The following HSP90AA1 variants were observed in gnomAD, a reference collection of about 807,000 sequenced individuals.
HSP90AA1 encodes the protein heat shock protein 90 alpha family class A member 1.
In HSP90AA1, 18 loss-of-function variants were observed where a neutral mutation model predicts 73.3. The ratio of observed to expected loss-of-function variants is 0.25; its 90% confidence interval spans 0.17 to 0.36. The LOEUF (loss-of-function observed/expected upper bound fraction) is 0.36. Ranked by LOEUF, HSP90AA1 falls within the 10% of genes least tolerant of loss-of-function variation. The pLI is 1.00. For missense variants in HSP90AA1, 704 were observed against 874.2 expected (o/e 0.81, Z 2.45); for synonymous variants, 477 against 296.9 (o/e 1.61, Z -6.24).
In HSP90AA1 at chr14:102,086,358, G is replaced by T. The variant is rs745644698; in HGVS notation, c.21C>A (p.Thr7=). 5 of 1,614,142 alleles carry T rather than the reference G, an allele frequency of 3.1e-6. No individual in the cohort carries two copies. The highest frequency in any genetic ancestry group is 4.2e-6 in the Non-Finnish European group (5 of 1,180,032). The change falls in exon 2 of 11, where the codon ACC becomes ACA. Residue 7 remains threonine (T), a synonymous_variant. Coordinates refer to ENST00000216281, the MANE Select transcript of HSP90AA1 (RefSeq NM_005348.4). Reference sequence around the variant, plus strand: ...CCTCCTCCTCCATCGGTTGGTCTTGGGTCTGGGTTTCCTCAGGCATCTGGA... The same window carrying T: ...CCTCCTCCTCCATCGGTTGGTCTTGTGTCTGGGTTTCCTCAGGCATCTGGA... MPEETQ[T]QDQPMEEEEV...
upstream of HSP90AA1, among the ~76,000 whole-genome samples, chr14:102,090,447 C>T (rs1416616077): frequency 2.1e-5 from 3 of 142,448 alleles, no homozygotes; most frequent in Admixed American, 7.8e-5. Flanking sequence ...TCCTCAACAA[C>T]ATATTTCTTT....
At position 102,081,790 on chromosome 14, in the gene HSP90AA1, A is replaced by C. The variant is rs1236602807; in HGVS notation, c.2121T>G (p.Asp707Glu). Residue 707 changes from aspartate to glutamate, a missense_variant, in exon 11 of 11, where the codon GAT becomes GAG. Coordinates refer to ENST00000216281, the MANE Select transcript of HSP90AA1 (RefSeq NM_005348.4). ...TTTCTTCAGTTACAGCAGCACTGGTATCATCAGCAGTAGGGTCATCTTCAT... is the reference window on the plus strand; with the variant it reads ...TTTCTTCAGTTACAGCAGCACTGGTCTCATCAGCAGTAGGGTCATCTTCAT... ...GIDEDDPTAD[D>E]TSAAVTEEMP... 2 of 1,578,528 alleles carry C rather than the reference A, an allele frequency of 1.3e-6. No homozygotes were observed. The highest frequency in any genetic ancestry group is 1.7e-4 in the Middle Eastern group (1 of 5,990).
chr14:102,097,331 A>AG (rs2049438569), intron 2 of HSP90AA1, among the ~76,000 whole-genome samples: 1 of 151,520 alleles, frequency 6.6e-6, no homozygotes, highest in Admixed American at 6.6e-5. Flanking sequence ...TTAAAAAAAA[A>AG]AAAAAGGAAA....
At chr14:102,095,781 C>G (rs1158909113) in intron 2 of HSP90AA1, among the ~76,000 whole-genome samples, 1 of 152,216 alleles carries the variant, frequency 6.6e-6, no homozygotes. Flanking sequence ...AACGTTCTTT[C>G]TCTCTGTGCT....
At chr14:102,087,091 GCGCGCGGCGCTTTTTC>G, upstream of HSP90AA1, 1 of 984,172 alleles carries the variant, frequency 1.0e-6, no homozygotes, top group Admixed American at 6.2e-5. Flanking sequence ...GGCCCGCCCA[GCGCGCGGCGCTTTTTC>G]CAGAAGCCTC....
chr14:102,092,788 TCA>T (rs1431343473), intron 2 of HSP90AA1, among the ~76,000 whole-genome samples: 3 of 152,146 alleles, frequency 2.0e-5, no homozygotes, highest in Non-Finnish European at 4.4e-5. Context: ...ACAGGGTCTG[TCA>T]CTCAGGCTGG....
chr14:102,116,648 T>C (rs1348050890), intron 1 of HSP90AA1, among the ~76,000 whole-genome samples: 4 of 152,148 alleles, frequency 2.6e-5, no homozygotes, highest in African/African-American at 9.7e-5. Flanking sequence ...GGAGAGGGCA[T>C]GGGGAGGAGG....
intron 1 of HSP90AA1, among the ~76,000 whole-genome samples, chr14:102,116,912 G>A (rs569994091): frequency 5.3e-5 from 8 of 152,116 alleles, no homozygotes; most frequent in Non-Finnish European, 1.2e-4. Context: ...CCAGGTGTAG[G>A]ATCTGGGCAT....
intron 1 of HSP90AA1, among the ~76,000 whole-genome samples, chr14:102,128,736 G>A (rs1051136741): frequency 2.0e-5 from 3 of 152,048 alleles, no homozygotes; most frequent in African/African-American, 7.2e-5. Context: ...AGGAGGCGGA[G>A]GTTACAGGGA....
At chr14:102,112,235 C>T (rs1300579236) in intron 1 of HSP90AA1, among the ~76,000 whole-genome samples, 6 of 152,188 alleles carry the variant, frequency 3.9e-5, no homozygotes, top group Admixed American at 6.5e-5. Context: ...TGCACTGGCA[C>T]GATCTTGGCT....
rs200421140 is a variant in HSP90AA1 at position 102,086,406 on chromosome 14, C to G, written c.1-28G>C. The stretch of plus-strand genomic sequence containing the variant: ...GGAACGACACCGCGCCGGTTTAAAA[C>G]CTTGCAGGACGTCTACAGAGGCAAC... On this transcript the variant is annotated intron_variant, in intron 1 of 10. Transcript: ENST00000216281. 1.9e-6 allele frequency: 3 copies of G among 1,613,858 alleles called. No homozygotes were observed. The African/African-American group carries it at 4.0e-5, about 22-fold the overall frequency.
chr14:102,084,081 C>G (rs747687511), intron 6 of HSP90AA1, 98 bp from the exon 7 acceptor site: 1 of 971,956 alleles, frequency 1.0e-6, no homozygotes, highest in East Asian at 2.5e-5. Flanking sequence ...GATGATGGGA[C>G]GTATTTTTGA....
At chr14:102,103,062 T>TTA (rs2049515426) in intron 1 of HSP90AA1, among the ~76,000 whole-genome samples, 1 of 150,686 alleles carries the variant, frequency 6.6e-6, no homozygotes, top group Non-Finnish European at 1.5e-5. Flanking sequence ...ATGCCTGTAA[T>TTA]CCCACCTACT....
intron 1 of HSP90AA1, 91 bp downstream of exon 1, chr14:102,086,895 T>C (rs1259204619): frequency 6.1e-5 from 46 of 753,508 alleles, no homozygotes; most frequent in Non-Finnish European, 7.1e-5. Flanking sequence ...TTCAGGGATC[T>C]GGTCCGGCCC....
chr14:102,131,618 C>G (rs759434367), intron 1 of HSP90AA1, among the ~76,000 whole-genome samples: 14 of 152,188 alleles, frequency 9.2e-5, no homozygotes, highest in Non-Finnish European at 1.6e-4. Flanking sequence ...GCTTGGTCCA[C>G]TCTTTTCCCA....
intron 1 of HSP90AA1, among the ~76,000 whole-genome samples, chr14:102,107,288 C>T (rs539123790): frequency 1.4e-3 from 212 of 151,872 alleles, no homozygotes; most frequent in Non-Finnish European, 1.5e-3. Context: ...TTTCCTACAT[C>T]TCATGCTTGC....
intron 1 of HSP90AA1, among the ~76,000 whole-genome samples, chr14:102,121,928 T>C (rs1019197763): frequency 4.6e-5 from 7 of 152,222 alleles, no homozygotes; most frequent in African/African-American, 1.7e-4. Context: ...TCCAAGGTTG[T>C]TGTCTTTTCA....
In HSP90AA1 at chr14:102,085,385, T is replaced by C; in HGVS notation, c.576A>G (p.Glu192=). 6.2e-7 allele frequency: 1 copy of C among 1,613,782 alleles called. No homozygotes were observed. The highest frequency in any genetic ancestry group is 8.5e-7 in the Non-Finnish European group (1 of 1,179,630). The part of the protein sequence containing the change: ...RGTKVILHLK[E]DQTEYLEERR... ...GTTCCTCCAAGTACTCAGTTTGGTCTTCTTTCAGGTGTAGGATAACTTTTG... is the reference window on the plus strand; with the variant it reads ...GTTCCTCCAAGTACTCAGTTTGGTCCTCTTTCAGGTGTAGGATAACTTTTG... The change falls in exon 4 of 11, where the codon GAA becomes GAG. Residue 192 remains glutamate (E), a synonymous_variant. Transcript: ENST00000216281.
intron 2 of HSP90AA1, among the ~76,000 whole-genome samples, chr14:102,101,151 T>C (rs1237500549): frequency 6.6e-6 from 1 of 152,190 alleles, no homozygotes; most frequent in African/African-American, 2.4e-5. Context: ...CTTTCTCCTC[T>C]CTCATTCTTT....
Sources: allele counts gnomAD v4.1 joint callset (sites outside exome capture counted in the v4.1 genomes callset), GRCh38; gene constraint gnomAD v4.1.1; transcripts MANE v1.5; gene names NCBI Gene and HGNC (gene_info 2026-07-23, HGNC 2026-07-21).